The following PIGV variants were observed in gnomAD, a reference collection of about 807,000 sequenced individuals.
PIGV encodes the protein GPI alpha-1,6-mannosyltransferase 2.
In PIGV, 27 loss-of-function variants were observed where a neutral mutation model predicts 39.2. The ratio of observed to expected loss-of-function variants is 0.69; its 90% CI spans 0.51 to 0.95. The LOEUF (loss-of-function observed/expected upper bound fraction) is 0.95, where lower values mean the gene tolerates loss of function less well. Among genes scored for constraint, PIGV ranks in the 40% least tolerant of loss-of-function variants. PIGV has a pLI of 0.00. For synonymous variants in PIGV, 232 were observed against 241.7 expected, an observed-to-expected ratio of 0.96 and a Z score of 0.37; for missense variants, 523 against 586.4, an observed-to-expected ratio of 0.89 and a Z score of 1.12.
In PIGV at chr1:26,798,257, C is replaced by G. The variant is rs2081411881; in HGVS notation, c.*413C>G. The G allele has an allele frequency of 4.8e-6, 1 of 208,480 alleles. No individual in the cohort carries two copies. 12.9% of individuals were successfully genotyped at this position (208,480 alleles called of 1,614,324 possible). A position where few individuals can be genotyped will look rare whatever the true frequency, so the allele number is the denominator to read the frequency against. On this transcript the variant is annotated 3_prime_UTR_variant, in exon 4 of 4. Coordinates refer to ENST00000674202, the MANE Select transcript of PIGV (RefSeq NM_017837.4). ...CCACACAAGATGGTATAGGCCTGAA[C>G]AGTGTAGTGGCAGTAATAAAGTGGG...
chr1:26,788,430 T>C (rs1048245975), intron 1 of PIGV, 162 bp downstream of exon 1: 2 of 152,434 alleles, frequency 1.3e-5, no homozygotes, highest in African/African-American at 4.8e-5. Flanking sequence ...CAGGGGGTGT[T>C]AGTCTTACCC....
At position 26,797,745 on chromosome 1, in the gene PIGV, GAA is replaced by G. The variant is rs776372809; in HGVS notation, c.1386_1387del (p.Lys462AsnfsTer49). On this transcript the variant is annotated frameshift_variant, in exon 4 of 4. Coordinates refer to ENST00000674202, the MANE Select transcript of PIGV (RefSeq NM_017837.4). LOFTEE classifies it high-confidence loss of function. ...CTATCATGGGACTTTTGTATCACTGGAAAACCTGTTCTCCAGTCACACGATAC... is the reference window on the plus strand; with the variant it reads ...CTATCATGGGACTTTTGTATCACTGGAACCTGTTCTCCAGTCACACGATAC... ...NPIMGLLYHW[K>X]TCSPVTRYIL... 1.2e-6 allele frequency: 2 copies of G among 1,614,070 alleles called. No homozygotes were observed. Among genetic ancestry groups the G allele is most frequent in the Non-Finnish European group, 1.7e-6 (2 of 1,179,968 alleles).
rs2081425934 is a variant in PIGV, at chr1:26,799,314, T to C, written c.*1470T>C. Among the ~76,000 whole-genome samples the C allele has an allele frequency of 6.6e-6, 1 of 152,126 alleles. No homozygotes were observed. The highest frequency in any genetic ancestry group is 6.6e-5 in the Admixed American group (1 of 15,264). ...TACGTAAGTCCAAGGTGGAATGAAA[T>C]GGTATCTGCCCTGCTTCCTGGCCCC... On this transcript the variant is annotated 3_prime_UTR_variant, in exon 4 of 4. Coordinates refer to ENST00000674202, the MANE Select transcript of PIGV (RefSeq NM_017837.4).
intron 1 of PIGV, among the ~76,000 whole-genome samples, chr1:26,789,287 T>C (rs1204281366): frequency 6.6e-6 from 1 of 152,232 alleles, no homozygotes; most frequent in Non-Finnish European, 1.5e-5. Context: ...CGGTGTGGAA[T>C]TGGGGGCCCC....
chr1:26,797,226 C>A (rs1000478570), intron 3 of PIGV, among the ~76,000 whole-genome samples: 1 of 152,180 alleles, frequency 6.6e-6, no homozygotes, highest in Admixed American at 6.5e-5. Context: ...ACCTCAGGTT[C>A]CCAATCCCCA....
At chr1:26,793,331 CTT>C (rs562827240) in intron 2 of PIGV, among the ~76,000 whole-genome samples, 67 of 152,328 alleles carry the variant, frequency 4.4e-4, no homozygotes, top group African/African-American at 1.5e-3. Flanking sequence ...TCTAGGTAGA[CTT>C]CTCTCTCTTC....
intron 1 of PIGV, among the ~76,000 whole-genome samples, chr1:26,790,411 G>C (rs1015990367): frequency 2.6e-5 from 4 of 151,922 alleles, no homozygotes; most frequent in African/African-American, 9.7e-5. Context: ...TTTATATAAA[G>C]AACTGAGGCT....
intron 1 of PIGV, among the ~76,000 whole-genome samples, chr1:26,789,881 C>T (rs1009150034): frequency 6.6e-6 from 1 of 152,172 alleles, no homozygotes; most frequent in Non-Finnish European, 1.5e-5. Context: ...TTTCAAATTT[C>T]CCAGGCTGGT....
In PIGV at chr1:26,797,815, C is replaced by T. The variant is rs751093917; in HGVS notation, c.1453C>T (p.Leu485=). The T allele has an allele frequency of 9.9e-6, 16 of 1,614,004 alleles. 1 individual carries two copies. In the Admixed American group the frequency reaches 1.3e-4, roughly 13 times the overall value. The change falls in exon 4 of 4, where the codon CTA becomes TTA. Residue 485 remains leucine, a synonymous_variant. Transcript: ENST00000674202. ...FLTYWLLGLL[L]HCNFLPWT is the part of the protein sequence containing the mutation. The stretch of plus-strand genomic sequence containing the variant: ...GACTTACTGGCTCCTGGGACTACTC[C>T]TACATTGCAACTTCCTGCCTTGGAC...
Position 26,799,232 on chromosome 1 carries a change from C to G in PIGV, c.*1388C>G, listed in dbSNP as rs761834282. On this transcript the variant is annotated 3_prime_UTR_variant, in exon 4 of 4. Transcript: ENST00000674202. ...TGTGCCGTTCTCAGATGCCTGCTTA[C>G]TTGATCAGTAGACATGGGTCAGAGG... 1.4e-4 allele frequency among the ~76,000 whole-genome samples: 22 copies of G among 152,158 alleles called. No homozygotes were observed. The highest frequency in any genetic ancestry group is 3.3e-4 in the Admixed American group (5 of 15,272).
intron 2 of PIGV, 120 bp downstream of exon 2, chr1:26,791,013 A>G (rs2081301962): frequency 2.5e-6 from 2 of 802,976 alleles, no homozygotes; most frequent in African/African-American, 3.4e-5. Context: ...TTGGAACCAC[A>G]GAGACATAGA....
chr1:26,790,309 AAC>A (rs1236986012), intron 1 of PIGV, among the ~76,000 whole-genome samples: 1 of 152,218 alleles, frequency 6.6e-6, no homozygotes, highest in Non-Finnish European at 1.5e-5. Flanking sequence ...TAGCAACCAC[AAC>A]ACAGATTTGA....
At chr1:26,791,392 T>C (rs1432024437) in intron 2 of PIGV, among the ~76,000 whole-genome samples, 1 of 152,176 alleles carries the variant, frequency 6.6e-6, no homozygotes, top group African/African-American at 2.4e-5. Context: ...CCTTCCTGCC[T>C]CACCCACACA....
In PIGV at chr1:26,794,768, T is replaced by A; in HGVS notation, c.734T>A (p.Val245Glu). Residue 245 changes from valine (V) to glutamate (E), a missense_variant, in exon 3 of 4, where the codon GTG (valine) becomes GAG (glutamate). Transcript: ENST00000674202. ...CTGATGGCCTCTCTGTTTCTGTCGGTGTTCACACTTGGCCTTCCCTTTGCC... is the reference window on the plus strand; with the variant it reads ...CTGATGGCCTCTCTGTTTCTGTCGGAGTTCACACTTGGCCTTCCCTTTGCC... Reference protein sequence around the residue: ...FKLMASLFLSVFTLGLPFALF... With the variant: ...FKLMASLFLSEFTLGLPFALF... The A allele has an allele frequency of 6.2e-7, 1 of 1,614,182 alleles. No individual in the cohort carries two copies. The highest frequency in any genetic ancestry group is 1.1e-5 in the South Asian group (1 of 91,078).
At chr1:26,793,430 T>C (rs2081337848) in intron 2 of PIGV, among the ~76,000 whole-genome samples, 2 of 152,250 alleles carry the variant, frequency 1.3e-5, no homozygotes, top group African/African-American at 4.8e-5. Context: ...CCATCTTACT[T>C]GACCTACCAG....
intron 3 of PIGV, 106 bp from the exon 4 acceptor site, chr1:26,797,457 C>T: frequency 1.1e-6 from 1 of 886,416 alleles, no homozygotes; most frequent in Non-Finnish European, 1.9e-6. Context: ...CATTTCTAGT[C>T]ACAGGACCAT....
chr1:26,792,071 C>T (rs541215697), intron 2 of PIGV, among the ~76,000 whole-genome samples: 2 of 152,310 alleles, frequency 1.3e-5, no homozygotes, highest in South Asian at 2.1e-4. Flanking sequence ...GTACCTATTG[C>T]GTTCCAAGAA....
chr1:26,795,168 G>A lies in PIGV; in HGVS notation c.1134G>A (p.Gln378=). The change falls in exon 3 of 4, where the codon CAG becomes CAA. Residue 378 remains glutamine, a synonymous_variant. Transcript: ENST00000674202. ...EKPDLGFLSP[Q]VFVYVVHAAV... ...CCGATCTTGGATTCCTCAGTCCTCA[G>A]GTGTTTGTGTACGTGGTCCACGCTG... 6.2e-7 allele frequency: 1 copy of A among 1,614,070 alleles called. No individual in the cohort carries two copies. Among genetic ancestry groups the A allele is most frequent in the Non-Finnish European group, 8.5e-7 (1 of 1,180,040 alleles).
intron 2 of PIGV, 85 bp from the exon 3 acceptor site, chr1:26,794,028 C>T (rs2081346268): frequency 1.5e-6 from 2 of 1,322,594 alleles, no homozygotes; most frequent in Non-Finnish European, 2.2e-6. Context: ...CAGGCATGAG[C>T]CTGGCCTTCT....
Sources: gnomAD v4.1 joint callset for allele counts (sites outside exome capture counted in the v4.1 genomes callset) on GRCh38, gnomAD v4.1.1 for gene constraint, MANE v1.5 for transcripts, NCBI Gene and HGNC (gene_info 2026-07-23, HGNC 2026-07-21) for gene names.